Variants in RORA observed in about 807,000 individuals in gnomAD.
The protein encoded by RORA is nuclear receptor ROR-alpha.
Under a neutral mutation model 69.5 loss-of-function variants are expected in RORA, and 7 were observed. That is an observed-to-expected ratio of 0.10 (90% CI 0.06 to 0.19). The LOEUF (loss-of-function observed/expected upper bound fraction) is 0.19, where lower values mean the gene tolerates loss of function less well. RORA is among the 10% of genes least tolerant of loss of function. The pLI, the probability that RORA is intolerant of heterozygous loss-of-function variation, is 1.00. For missense variants in RORA, 457 were observed against 663.0 expected, an observed-to-expected ratio of 0.69 and a Z score of 3.41; for synonymous variants, 261 against 240.8, an observed-to-expected ratio of 1.08 and a Z score of -0.78.
chr15:60,812,231 C>G (rs564596051), intron 1 of RORA, among the ~76,000 whole-genome samples: 1 of 152,116 alleles, frequency 6.6e-6, no homozygotes, highest in African/African-American at 2.4e-5. Flanking sequence ...AAGCAAGGTG[C>G]GGTGCCTCAC....
chr15:60,592,360 C>T (rs1488087412), intron 2 of RORA: 14 of 1,400,524 alleles, frequency 1.0e-5, no homozygotes, highest in Non-Finnish European at 1.3e-5. Flanking sequence ...CCAGCCCACC[C>T]GGCCCCGGCG....
chr15:60,913,283 T>G (rs1203185158), intron 1 of RORA, among the ~76,000 whole-genome samples: 3 of 152,152 alleles, frequency 2.0e-5, no homozygotes, highest in African/African-American at 7.2e-5. Flanking sequence ...ATAGCCTCTA[T>G]GCTCACCACC....
chr15:60,553,818 T>C (rs552684599), intron 2 of RORA, among the ~76,000 whole-genome samples: 2 of 152,316 alleles, frequency 1.3e-5, no homozygotes, highest in African/African-American at 2.4e-5. Flanking sequence ...CCCACATATA[T>C]TTACCTTCCC....
rs563909842 is a variant in RORA at position 60,549,508 on chromosome 15, T to G, written c.197-17657A>C. ...GAATGAGAAAATATTCTGCAGTTTC[T>G]CAGGATCTCACATGTTTGTCATACT... On this transcript the variant is annotated intron_variant, in intron 2 of 10. Transcript: ENST00000335670. Among the ~76,000 whole-genome samples the G allele has an allele frequency of 1.3e-5, 2 of 151,754 alleles. 1 individual carries two copies. Among genetic ancestry groups the G allele is most frequent in the Non-Finnish European group, 2.9e-5 (2 of 68,026 alleles).
intron 2 of RORA, among the ~76,000 whole-genome samples, chr15:60,548,739 A>T (rs1471556062): frequency 6.6e-6 from 1 of 152,098 alleles, no homozygotes; most frequent in South Asian, 2.1e-4. Flanking sequence ...CCAGGTTCAC[A>T]CCATTCTCCT....
chr15:60,764,801 C>G (rs2071956707), intron 1 of RORA: 1 of 152,230 alleles, frequency 6.6e-6, no homozygotes, highest in Non-Finnish European at 1.5e-5. Context: ...GAAATACCTT[C>G]CTTGCCAACC....
chr15:60,565,067 C>T (rs549707699), intron 2 of RORA, among the ~76,000 whole-genome samples: 4 of 152,208 alleles, frequency 2.6e-5, no homozygotes, highest in East Asian at 3.9e-4. Context: ...CTAAAGTCGT[C>T]CATCAGAGCT....
chr15:60,668,406 G>C (rs532456153), intron 2 of RORA, among the ~76,000 whole-genome samples: 8 of 152,310 alleles, frequency 5.3e-5, no homozygotes, highest in African/African-American at 1.9e-4. Flanking sequence ...CAGGAAAAGA[G>C]CTGCTATTTG....
intron 1 of RORA, among the ~76,000 whole-genome samples, chr15:61,065,567 T>A (rs373903359): frequency 8.4e-4 from 128 of 152,310 alleles, no homozygotes; most frequent in Middle Eastern, 3.4e-3. Context: ...ATCTCTTTAA[T>A]AAATAAATAG....
intron 1 of RORA, among the ~76,000 whole-genome samples, chr15:60,739,221 C>A (rs1035264804): frequency 3.9e-5 from 6 of 152,074 alleles, no homozygotes; most frequent in African/African-American, 1.4e-4. Flanking sequence ...ACGTAGAAAC[C>A]CGGGGTCTTC....
At chr15:60,940,834 G>A (rs1376960065) in intron 1 of RORA, among the ~76,000 whole-genome samples, 4 of 152,184 alleles carry the variant, frequency 2.6e-5, no homozygotes, top group African/African-American at 9.7e-5. Context: ...GGCTGAGGCA[G>A]GGGAATTGTT....
intron 2 of RORA, among the ~76,000 whole-genome samples, chr15:60,595,062 A>G (rs1454630132): frequency 6.6e-6 from 1 of 151,602 alleles, no homozygotes; most frequent in African/African-American, 2.4e-5. Flanking sequence ...CAAAATGCAC[A>G]TTTTCTATGA....
chr15:60,930,025 T>C (rs1405829859), intron 1 of RORA, among the ~76,000 whole-genome samples: 1 of 152,346 alleles, frequency 6.6e-6, no homozygotes, highest in East Asian at 1.9e-4. Flanking sequence ...TACTTAATAC[T>C]GCAGCCACTA....
chr15:60,654,681 T>TA (rs937825584), intron 2 of RORA, among the ~76,000 whole-genome samples: 17 of 152,196 alleles, frequency 1.1e-4, no homozygotes, highest in African/African-American at 4.1e-4. Context: ...GGGCTCAATG[T>TA]AATCACAGGG....
chr15:60,916,488 G>T (rs1006282350), intron 1 of RORA, among the ~76,000 whole-genome samples: 27 of 152,228 alleles, frequency 1.8e-4, no homozygotes, highest in African/African-American at 6.0e-4. Flanking sequence ...AGCAGTCGAT[G>T]AGGAAGTCAG....
chr15:60,864,984 AG>A (rs2073472155), intron 1 of RORA, among the ~76,000 whole-genome samples: 1 of 152,200 alleles, frequency 6.6e-6, no homozygotes, highest in Non-Finnish European at 1.5e-5. Context: ...GAACAGTAGT[AG>A]GCATCCACTT....
chr15:61,184,481 T>C (rs1319687379), intron 1 of RORA, among the ~76,000 whole-genome samples: 1 of 152,368 alleles, frequency 6.6e-6, no homozygotes, highest in East Asian at 1.9e-4. Context: ...CTTCCTGCTC[T>C]GTGGTACCTA....
intron 2 of RORA, among the ~76,000 whole-genome samples, chr15:60,538,999 G>GCACACACACACACA (rs57764714): frequency 5.0e-4 from 75 of 150,076 alleles, no homozygotes; most frequent in East Asian, 4.2e-3. Flanking sequence ...CCTGCCAAAT[G>GCACACACACACACA]CACACACACA....
chr15:60,638,711 T>C (rs1334980246), intron 2 of RORA, among the ~76,000 whole-genome samples: 2 of 152,222 alleles, frequency 1.3e-5, no homozygotes, highest in African/African-American at 4.8e-5. Flanking sequence ...CTAAAGCTAA[T>C]AGGAATTCTT....
Sources: gnomAD v4.1 joint callset for allele counts (sites outside exome capture counted in the v4.1 genomes callset) on GRCh38, gnomAD v4.1.1 for gene constraint, MANE v1.5 for transcripts, NCBI Gene and HGNC (gene_info 2026-07-23, HGNC 2026-07-21) for gene names.